The following CHLSN variants were observed in gnomAD, a reference collection of about 807,000 sequenced individuals.
The protein encoded by CHLSN is cholesin, also known as protein cholesin.
chr7:1,092,294 C>A, the CHLSN span: 2 of 1,611,784 alleles, frequency 1.2e-6, no homozygotes, highest in Non-Finnish European at 1.7e-6. Flanking sequence ...GTGTCAGCCA[C>A]GCTGGTGCCC....
the CHLSN span, among the ~76,000 whole-genome samples, chr7:1,002,600 T>C: frequency 2.4e-3 from 193 of 81,882 alleles, 7 homozygotes; most frequent in South Asian, 5.8e-3. Flanking sequence ...TGGAGCCCTG[T>C]GGGTGAGTGG....
At chr7:984,911 T>A in the CHLSN span, 1 of 1,534,158 alleles carries the variant, frequency 6.5e-7, no homozygotes, top group Non-Finnish European at 8.7e-7. Context: ...CTGGCTGGGG[T>A]GGGAACCTGG....
the CHLSN span, among the ~76,000 whole-genome samples, chr7:1,121,376 T>G: frequency 2.0e-5 from 3 of 151,858 alleles, no homozygotes; most frequent in South Asian, 4.2e-4. Flanking sequence ...GCCCCAAGAG[T>G]TCAATGACAC....
chr7:1,026,661 A>C, the CHLSN span: 3 of 152,036 alleles, frequency 2.0e-5, no homozygotes, highest in Non-Finnish European at 4.4e-5. Flanking sequence ...TGAAAATCAC[A>C]TTATTAACGT....
At chr7:1,104,343 G>A in the CHLSN span, among the ~76,000 whole-genome samples, 3 of 152,234 alleles carry the variant, frequency 2.0e-5, no homozygotes, top group Non-Finnish European at 4.4e-5. Flanking sequence ...AGGCTGCAGT[G>A]AGCTATGATC....
At chr7:1,023,231 C>T in the CHLSN span, among the ~76,000 whole-genome samples, 1 of 152,258 alleles carries the variant, frequency 6.6e-6, no homozygotes, top group African/African-American at 2.4e-5. The surrounding 1 kb of genome is among the most constrained non-coding windows in gnomAD (Gnocchi z 5.0). Context: ...GTGGCTCCTG[C>T]AGCCGCGACA....
chr7:1,091,495 C>T, the CHLSN span: 1 of 514,162 alleles, frequency 1.9e-6, no homozygotes. Flanking sequence ...GCGGAGGGCC[C>T]TCGCCTCCAC....
the CHLSN span, among the ~76,000 whole-genome samples, chr7:1,064,185 C>A: frequency 6.6e-6 from 1 of 152,208 alleles, no homozygotes; most frequent in Non-Finnish European, 1.5e-5. Flanking sequence ...CCGGGAACAC[C>A]GTGACCGGAA....
At chr7:1,028,524 C>T in the CHLSN span, 3 of 985,116 alleles carry the variant, frequency 3.0e-6, no homozygotes, top group African/African-American at 5.2e-5. Context: ...GCTGCAGCCC[C>T]CACTGCTCCT....
the CHLSN span, among the ~76,000 whole-genome samples, chr7:1,046,340 C>A: frequency 6.6e-6 from 1 of 152,188 alleles, no homozygotes; most frequent in Non-Finnish European, 1.5e-5. Flanking sequence ...CCCGGCCGAC[C>A]GTGTCATGCA....
chr7:1,015,411 C>T, the CHLSN span, among the ~76,000 whole-genome samples: 9,395 of 152,244 alleles, frequency 0.062, 369 homozygotes, highest in Middle Eastern at 0.11. Flanking sequence ...TTTGGGCCAT[C>T]GGAGCCCCTG....
the CHLSN span, among the ~76,000 whole-genome samples, chr7:1,030,124 G>T: frequency 7.2e-5 from 11 of 152,322 alleles, no homozygotes; most frequent in African/African-American, 2.6e-4. Flanking sequence ...TGACTCCCCA[G>T]TGTGTCCCCA....
chr7:987,026 G>A, the CHLSN span: 1 of 1,417,724 alleles, frequency 7.1e-7, no homozygotes, highest in East Asian at 2.6e-5. Context: ...CATCCATAGT[G>A]GAGCCCAGGG....
the CHLSN span, among the ~76,000 whole-genome samples, chr7:991,764 G>A: frequency 6.6e-6 from 1 of 152,176 alleles, no homozygotes; most frequent in East Asian, 1.9e-4. Flanking sequence ...ACAGTTCAGG[G>A]GCACAGGCAC....
At chr7:1,118,917 G>A in the CHLSN span, among the ~76,000 whole-genome samples, 2 of 150,256 alleles carry the variant, frequency 1.3e-5, no homozygotes, top group Non-Finnish European at 2.9e-5. Context: ...AATAAATTAC[G>A]GTATAACAAG....
chr7:1,100,787 C>A, the CHLSN span, among the ~76,000 whole-genome samples: 105 of 151,860 alleles, frequency 6.9e-4, 1 homozygote, highest in South Asian at 0.01. Flanking sequence ...AAAAACAAAA[C>A]AAAACCCTTT....
the CHLSN span, among the ~76,000 whole-genome samples, chr7:1,016,037 G>A: frequency 2.2e-5 from 3 of 136,248 alleles, no homozygotes; most frequent in East Asian, 2.0e-4. Context: ...CTCCCCCTCC[G>A]GTGTCACGCC....
the CHLSN span, chr7:1,025,980 G>A: frequency 6.6e-6 from 1 of 152,382 alleles, no homozygotes; most frequent in South Asian, 2.1e-4. Flanking sequence ...GCAGTGGAGG[G>A]AAGAGTGAAC....
chr7:997,718 T>C, the CHLSN span: 1 of 1,611,704 alleles, frequency 6.2e-7, no homozygotes, highest in South Asian at 1.1e-5. Context: ...GCATCAGGGC[T>C]TCCGCCTTCT....
Sources: gnomAD v4.1 joint callset for allele counts (sites outside exome capture counted in the v4.1 genomes callset) on GRCh38, gnomAD v4.1.1 for gene constraint, Gnocchi (gnomAD v3.1) non-coding constraint, MANE v1.5 for transcripts, NCBI Gene and HGNC (gene_info 2026-07-23, HGNC 2026-07-21) for gene names.